The following LARP1 variants were observed in gnomAD, a reference collection of about 807,000 sequenced individuals.
The protein encoded by LARP1 is La ribonucleoprotein 1, translational regulator.
In LARP1, 36 loss-of-function variants were observed where a neutral mutation model predicts 122.7. The ratio of observed to expected loss-of-function variants is 0.29; its 90% CI spans 0.22 to 0.39. LARP1 has a LOEUF of 0.39. Among genes scored for constraint, LARP1 ranks in the 10% least tolerant of loss-of-function variants. LARP1 has a pLI of 1.00. For missense variants in LARP1, 1,040 were observed against 1,403.6 expected (o/e 0.74, Z 4.14); for synonymous variants, 539 against 528.7 (o/e 1.02, Z -0.27).
intron 1 of LARP1, among the ~76,000 whole-genome samples, chr5:154,684,875 A>G (rs1753853181): frequency 1.3e-5 from 2 of 152,168 alleles, no homozygotes; most frequent in Admixed American, 6.5e-5. Context: ...GCACTCTCTC[A>G]TGGGCAGTGA....
chr5:154,796,403 C>T (rs1757857793), intron 8 of LARP1, among the ~76,000 whole-genome samples: 1 of 151,516 alleles, frequency 6.6e-6, no homozygotes, highest in South Asian at 2.1e-4. Context: ...CCTCTTGCCT[C>T]TATTTTTCTT....
chr5:154,768,350 C>T (rs956849677), intron 1 of LARP1, among the ~76,000 whole-genome samples: 2 of 152,176 alleles, frequency 1.3e-5, no homozygotes, highest in Non-Finnish European at 2.9e-5. Context: ...GAGTTGTAAA[C>T]AAGACACATT....
At chr5:154,792,821 G>T in intron 4 of LARP1, 25 bp downstream of exon 4, 1 of 1,610,384 alleles carries the variant, frequency 6.2e-7, no homozygotes, top group South Asian at 1.1e-5. Context: ...GCAGGACTTG[G>T]GAGAAGGTGG....
rs1413464948 is a variant in LARP1 at position 154,756,211 on chromosome 5, C to T, written c.436+18C>T. The T allele has an allele frequency of 8.0e-6, 10 of 1,248,592 alleles. No individual in the cohort carries two copies. Among genetic ancestry groups the T allele is most frequent in the African/African-American group, 6.6e-5 (4 of 60,878 alleles). 77.3% of individuals were successfully genotyped at this position (1,248,592 alleles called of 1,614,324 possible). A position where few individuals can be genotyped will look rare whatever the true frequency, so the allele number is the denominator to read the frequency against. ...CCCCCCAGGTGGGTCTCCCTCCTTG[C>T]CCTCCTGGGTCCGGGGGCCTCTTCC... On this transcript the variant is annotated intron_variant, in intron 1 of 18. Transcript: ENST00000518297.
At chr5:154,781,090 G>A (rs556004927) in intron 1 of LARP1, among the ~76,000 whole-genome samples, 2 of 152,092 alleles carry the variant, frequency 1.3e-5, no homozygotes, top group African/African-American at 4.8e-5. Context: ...AAATGAGTTT[G>A]TGTTACCTGA....
At chr5:154,718,141 C>T (rs112917187) in intron 1 of LARP1, among the ~76,000 whole-genome samples, 2 of 152,108 alleles carry the variant, frequency 1.3e-5, no homozygotes, top group African/African-American at 2.4e-5. Context: ...AGCCTGGTCT[C>T]AAATTCCTCG....
In LARP1 at chr5:154,793,949, C is replaced by T. The variant is rs770414206; in HGVS notation, c.1018C>T (p.Arg340Cys). The change falls in exon 6 of 19, where the codon CGT becomes TGT. Residue 340 changes from arginine (R) to cysteine (C), a missense_variant. By Grantham distance (180) the Arg-to-Cys change is radical. This residue lies in a region of LARP1 where 178 missense variants were observed against 178.3 expected (regional missense o/e 1.00). Coordinates refer to ENST00000518297, the MANE Select transcript of LARP1 (RefSeq NM_033551.3). The stretch of plus-strand genomic sequence containing the variant: ...TGGGGCGCGGGCTTCCTTCCGTGGC[C>T]GTGGACGGGGGCGTGGTCGCGGCCG... ...AGGARASFRG[R>C]GRGRGRGRGR... 1.2e-5 allele frequency: 20 copies of T among 1,613,208 alleles called. No individual in the cohort carries two copies. The highest frequency in any genetic ancestry group is 3.3e-5 in the Admixed American group (2 of 59,950).
At chr5:154,702,065 T>G (rs964933663) in intron 1 of LARP1, among the ~76,000 whole-genome samples, 1 of 152,138 alleles carries the variant, frequency 6.6e-6, no homozygotes, top group Admixed American at 6.5e-5. Context: ...TGATACTGCT[T>G]GAGCCACTGG....
intron 15 of LARP1, among the ~76,000 whole-genome samples, chr5:154,806,235 A>C (rs1213102520): frequency 6.6e-6 from 1 of 152,216 alleles, no homozygotes; most frequent in Non-Finnish European, 1.5e-5. Flanking sequence ...TATGGCACTC[A>C]CAACGTTCGT....
chr5:154,706,295 A>AAATAATAATAATAAT lies in LARP1; in HGVS notation c.-180+23285_-180+23299dup, dbSNP rs138415109. ...GGAGACAGAGTGCGACTTTGTCTCA[A>AAATAATAATAATAAT]AATAATAATAATAATAATAATAATA... On this transcript the variant is annotated intron_variant, in intron 1 of 18. Coordinates refer to the LARP1 transcript ENST00000687700. Among the ~76,000 whole-genome samples, 11 of 142,692 alleles carry AAATAATAATAATAAT rather than the reference A, an allele frequency of 7.7e-5. 1 individual carries two copies. The highest frequency in any genetic ancestry group is 2.3e-4 in the African/African-American group (9 of 38,472). The allele number at this position is 142,692 out of a possible 152,430, so 93.6% of individuals were successfully genotyped here. A position where few individuals can be genotyped will look rare whatever the true frequency, so the allele number is the denominator to read the frequency against.
At chr5:154,721,582 TC>T (rs1416974159) in intron 1 of LARP1, among the ~76,000 whole-genome samples, 1 of 152,146 alleles carries the variant, frequency 6.6e-6, no homozygotes, top group Non-Finnish European at 1.5e-5. Flanking sequence ...TTGTACCTCT[TC>T]CTGCCAGCCA....
rs1312995610 is a variant in LARP1 at position 154,810,515 on chromosome 5, T to C, written c.2844-732T>C. On this transcript the variant is annotated intron_variant, in intron 16 of 18. Transcript: ENST00000518297. ...TGTTTTATTTTATTTTGGAGACGAG[T>C]CTCACTGTGTCACCTAGGCTGGAGT... is the stretch of plus-strand genomic sequence containing the variant. Among the ~76,000 whole-genome samples the C allele has an allele frequency of 2.6e-5, 4 of 151,912 alleles. No individual in the cohort carries two copies. In the East Asian group the frequency reaches 7.8e-4, roughly 29 times the overall value.
chr5:154,785,926 T>G (rs1756843836), intron 1 of LARP1, among the ~76,000 whole-genome samples: 1 of 152,202 alleles, frequency 6.6e-6, no homozygotes, highest in South Asian at 2.1e-4. Context: ...CAAAATAACC[T>G]TAAGTAATCC....
At chr5:154,768,927 C>T (rs573586643) in intron 1 of LARP1, among the ~76,000 whole-genome samples, 9 of 152,282 alleles carry the variant, frequency 5.9e-5, no homozygotes, top group South Asian at 4.1e-4. Context: ...CTGCAACCTC[C>T]GCCTGCTGAG....
chr5:154,723,072 A>T (rs987402663), intron 1 of LARP1, among the ~76,000 whole-genome samples: 2 of 152,222 alleles, frequency 1.3e-5, no homozygotes, highest in Non-Finnish European at 1.5e-5. Context: ...CAGTGAGTTG[A>T]GGTAGAGCCT....
At chr5:154,805,175 A>C (rs1312537009) in intron 14 of LARP1, 2 of 330,134 alleles carry the variant, frequency 6.1e-6, no homozygotes, top group South Asian at 2.5e-5. Context: ...AGTGAGGTAC[A>C]GTTTACCTAC....
upstream of LARP1, among the ~76,000 whole-genome samples, chr5:154,710,691 C>T (rs1040486514): frequency 5.7e-5 from 8 of 140,898 alleles, no homozygotes; most frequent in African/African-American, 7.9e-5. Flanking sequence ...TGCAGTGAGC[C>T]AAGATCGCGG....
chr5:154,804,989 G>A, intron 14 of LARP1: 1 of 448,256 alleles, frequency 2.2e-6, no homozygotes, highest in South Asian at 1.6e-5. Flanking sequence ...CTCTCCAAAA[G>A]CCTACTGTTA....
In LARP1 at chr5:154,790,341, C is replaced by T. The variant is rs1440165381; in HGVS notation, c.453C>T (p.Ala151=). 1 of 1,613,662 alleles carries T rather than the reference C, an allele frequency of 6.2e-7. No homozygotes were observed. Among genetic ancestry groups the T allele is most frequent in the Non-Finnish European group, 8.5e-7 (1 of 1,179,810 alleles). ...TTCCCACAGAACACTCTGCTCCAGC[C>T]AAGGTGGTGAGGGCAGCTGTTCCTA... The part of the protein sequence containing the change: ...GQSPPEHSAP[A]KVVRAAVPKQ... The change falls in exon 2 of 19, where the codon GCC becomes GCT. Residue 151 remains alanine (A), a synonymous_variant. Transcript: ENST00000518297.
Sources: allele counts gnomAD v4.1 joint callset (sites outside exome capture counted in the v4.1 genomes callset), GRCh38; gene constraint gnomAD v4.1.1; regional missense constraint gnomAD v4.1.1; transcripts MANE v1.5; gene names NCBI Gene and HGNC (gene_info 2026-07-23, HGNC 2026-07-21).